Variants in POM121C observed in about 807,000 individuals in gnomAD.
POM121C encodes POM121 transmembrane nucleoporin C.
Under a neutral mutation model 66.4 loss-of-function variants are expected in POM121C, and 20 were observed. The ratio of observed to expected loss-of-function variants is 0.30; its 90% CI spans 0.21 to 0.44. POM121C has a LOEUF of 0.44. Among genes scored for constraint, POM121C ranks in the 20% least tolerant of loss-of-function variants. The pLI, the probability that POM121C is intolerant of heterozygous loss-of-function variation, is 1.00. For synonymous variants in POM121C, 286 were observed against 528.0 expected, an observed-to-expected ratio of 0.54 and a Z score of 6.28; for missense variants, 580 against 1,225.7, an observed-to-expected ratio of 0.47 and a Z score of 7.87.
chr7:75,432,971 ACAG>A (rs1790242897), intron 7 of POM121C, among the ~76,000 whole-genome samples: 2 of 152,164 alleles, frequency 1.3e-5, no homozygotes, highest in Non-Finnish European at 2.9e-5. Flanking sequence ...ACGGTGGCTC[ACAG>A]CTGTAATCCC....
At chr7:75,485,333 A>G (rs1258975189) in intron 1 of POM121C, among the ~76,000 whole-genome samples, 1 of 152,112 alleles carries the variant, frequency 6.6e-6, no homozygotes, top group African/African-American at 2.4e-5. Context: ...GAGAAAGAAC[A>G]CTGGCCTGGG....
chr7:75,425,622 C>T lies in POM121C; in HGVS notation c.646+13G>A, dbSNP rs782090457. 1.1e-5 allele frequency: 18 copies of T among 1,588,692 alleles called. No individual in the cohort carries two copies. The highest frequency in any genetic ancestry group is 1.5e-5 in the Non-Finnish European group (18 of 1,168,856). The stretch of plus-strand genomic sequence containing the variant: ...CACCAACAGCAGCCCCTCCTCCTGG[C>T]TCAGCAACCTACCCTTTTCTCCCTG... On this transcript the variant is annotated intron_variant, in intron 9 of 14. Coordinates refer to ENST00000615331, the MANE Select transcript of POM121C (RefSeq NM_001099415.3).
At chr7:75,437,867 A>C (rs1416759882) in intron 6 of POM121C, among the ~76,000 whole-genome samples, 181 bp from the exon 7 acceptor site, 4 of 152,220 alleles carry the variant, frequency 2.6e-5, no homozygotes, top group African/African-American at 9.6e-5. Context: ...AAATATTTAA[A>C]ACTTAAATGT....
chr7:75,441,030 G>A lies in POM121C; in HGVS notation c.151C>T (p.Leu51Phe). 2 of 1,613,860 alleles carry A rather than the reference G, an allele frequency of 1.2e-6. No individual in the cohort carries two copies. Among genetic ancestry groups the A allele is most frequent in the South Asian group, 1.1e-5 (1 of 91,068 alleles). The change falls in exon 5 of 15, where the codon CTC becomes TTC. Residue 51 changes from leucine (L) to phenylalanine (F), a missense_variant. By Grantham distance (22) the Leu-to-Phe change is conservative. Transcript: ENST00000615331. ...GTCCTTTTCTTCTTCTTCTCTTTGA[G>A]GGCACTCAGTACAGTCTCCTTTGCA... Reference protein sequence around the residue: ...PCAKETVLSALKEKKKKRTVE... With the variant: ...PCAKETVLSAFKEKKKKRTVE...
chr7:75,451,296 C>G (rs1351636168), intron 3 of POM121C, among the ~76,000 whole-genome samples: 3 of 148,394 alleles, frequency 2.0e-5, no homozygotes, highest in Non-Finnish European at 4.5e-5. Context: ...CTACTGTAAC[C>G]AAAACAGCAT....
intron 7 of POM121C, among the ~76,000 whole-genome samples, chr7:75,433,096 G>A (rs1403040214): frequency 3.3e-5 from 5 of 151,634 alleles, no homozygotes; most frequent in Middle Eastern, 3.4e-3. Context: ...TTAGCTGGGC[G>A]TGGTGGCCAG....
rs781885364 is a variant in POM121C at position 75,441,559 on chromosome 7, G to A, written c.-63C>T. On this transcript the variant is annotated 5_prime_UTR_variant, in exon 4 of 15. Transcript: ENST00000615331. Reference sequence around the variant, plus strand: ...TAACCATTCCAGCACACTGTGGGAAGTACCCCCGGACAGGAATACTGGGTC... The same window carrying A: ...TAACCATTCCAGCACACTGTGGGAAATACCCCCGGACAGGAATACTGGGTC... The A allele has an allele frequency of 1.9e-6, 3 of 1,612,742 alleles. No individual in the cohort carries two copies. The South Asian group carries it at 3.3e-5, about 18-fold the overall frequency.
chr7:75,442,077 A>C, intron 3 of POM121C: 1 of 1,352,736 alleles, frequency 7.4e-7, no homozygotes, highest in Non-Finnish European at 9.6e-7. Flanking sequence ...AATCGGATTT[A>C]AAAGTCAAGT....
At chr7:75,448,432 A>G (rs1446706537) in intron 3 of POM121C, among the ~76,000 whole-genome samples, 3 of 146,526 alleles carry the variant, frequency 2.0e-5, no homozygotes, top group Non-Finnish European at 4.5e-5. Context: ...TCTTTAAAAT[A>G]TAATTGAGGA....
At chr7:75,472,848 G>A (rs183604586) in intron 3 of POM121C, among the ~76,000 whole-genome samples, 301 of 151,854 alleles carry the variant, frequency 2.0e-3, no homozygotes, top group Non-Finnish European at 3.5e-3. Flanking sequence ...AAGGGAGGGA[G>A]GGAAGAGAGG....
intron 1 of POM121C, among the ~76,000 whole-genome samples, chr7:75,482,010 TA>T (rs1554480193): frequency 6.6e-6 from 1 of 151,924 alleles, no homozygotes; most frequent in South Asian, 2.1e-4. Context: ...AAATGCCACG[TA>T]TGGTATAGTT....
chr7:75,452,448 T>C (rs1179101569), intron 3 of POM121C, among the ~76,000 whole-genome samples: 10 of 152,188 alleles, frequency 6.6e-5, no homozygotes, highest in African/African-American at 2.2e-4. Context: ...GAGACTCATC[T>C]CAAAAACAAA....
At chr7:75,465,924 A>AAAAG (rs1791627213) in intron 3 of POM121C, among the ~76,000 whole-genome samples, 32 of 126,928 alleles carry the variant, frequency 2.5e-4, no homozygotes, top group African/African-American at 5.9e-4. Flanking sequence ...AAAAAAAAAA[A>AAAAG]GGTGTGTGAC....
At chr7:75,421,319 T>G (rs1747076296) in intron 13 of POM121C, 190 bp downstream of exon 13, 2 of 1,433,148 alleles carry the variant, frequency 1.4e-6, no homozygotes, top group Non-Finnish European at 1.8e-6. Flanking sequence ...TTTGACCAGT[T>G]AAATCCACAA....
rs1789518536 is a variant in POM121C, at chr7:75,417,537, T to C, written c.*1259A>G. The C allele has an allele frequency of 2.0e-6, 2 of 985,318 alleles. No homozygotes were observed. Among genetic ancestry groups the C allele is most frequent in the Non-Finnish European group, 2.4e-6 (2 of 829,578 alleles). The allele number at this position is 985,318 out of a possible 1,614,324, so 61.0% of individuals were successfully genotyped here. A position where few individuals can be genotyped will look rare whatever the true frequency, so the allele number is the denominator to read the frequency against. On this transcript the variant is annotated 3_prime_UTR_variant, in exon 15 of 15. Coordinates refer to ENST00000615331, the MANE Select transcript of POM121C (RefSeq NM_001099415.3). ...CAGCAAGGCGCTTGGGCCTGGGGTA[T>C]GTGGTTTCAGAAGGACGGAAGGAAA...
intron 1 of POM121C, among the ~76,000 whole-genome samples, chr7:75,485,605 A>G (rs1212254836): frequency 3.3e-5 from 5 of 152,120 alleles, no homozygotes; most frequent in African/African-American, 7.2e-5. Flanking sequence ...AGGAGGAAGG[A>G]CTGTTAGGGG....
At chr7:75,452,233 G>A (rs1554475633) in intron 3 of POM121C, among the ~76,000 whole-genome samples, 1 of 151,642 alleles carries the variant, frequency 6.6e-6, no homozygotes, top group African/African-American at 2.4e-5. Context: ...CAAGGCAGGC[G>A]GATCACCTGA....
At chr7:75,435,624 A>T (rs1454223491) in intron 7 of POM121C, among the ~76,000 whole-genome samples, 1 of 152,278 alleles carries the variant, frequency 6.6e-6, no homozygotes, top group Admixed American at 6.5e-5. Flanking sequence ...ACATTACTTT[A>T]AAACATGATA....
chr7:75,441,781 T>C (rs1221854773), intron 3 of POM121C, 134 bp from the exon 4 acceptor site: 8 of 851,684 alleles, frequency 9.4e-6, no homozygotes, highest in African/African-American at 1.7e-5. Flanking sequence ...GAACACGTTG[T>C]TTTTATGGCA....
Sources: allele counts gnomAD v4.1 joint callset (sites outside exome capture counted in the v4.1 genomes callset), GRCh38; gene constraint gnomAD v4.1.1; transcripts MANE v1.5; gene names NCBI Gene and HGNC (gene_info 2026-07-23, HGNC 2026-07-21).